Variants in SEC24A observed in about 807,000 individuals in gnomAD.
The protein encoded by SEC24A is protein transport protein Sec24A.
SEC24A carries 93 observed loss-of-function variants against 129.4 expected under a neutral mutation model. The observed-to-expected ratio is 0.72, with a 90% confidence interval of 0.61 to 0.85. SEC24A has a LOEUF of 0.85. Among genes scored for constraint, SEC24A ranks in the 40% least tolerant of loss-of-function variants. The probability of loss-of-function intolerance (pLI) is 0.00; values close to 1 mark genes in which losing one functional copy is unlikely to be tolerated. For synonymous variants in SEC24A, 460 were observed against 467.3 expected (o/e 0.98, Z 0.20); for missense variants, 1,264 against 1,307.4 (o/e 0.97, Z 0.51).
At chr5:134,697,718 A>T (rs1255287183) in intron 14 of SEC24A, among the ~76,000 whole-genome samples, 181 bp from the exon 15 acceptor site, 1 of 152,140 alleles carries the variant, frequency 6.6e-6, no homozygotes, top group African/African-American at 2.4e-5. Flanking sequence ...TGGTATCACT[A>T]CTGCACTCCA....
Position 134,693,733 on chromosome 5 carries a change from C to A in SEC24A, c.1786C>A (p.Gln596Lys). The A allele has an allele frequency of 1.2e-6, 2 of 1,613,368 alleles. No individual in the cohort carries two copies. Among genetic ancestry groups the A allele is most frequent in the Non-Finnish European group, 1.7e-6 (2 of 1,179,784 alleles). ...VNLNESKELVQDLLKTLPQMF... is the reference protein window; with the variant it reads ...VNLNESKELVKDLLKTLPQMF... ...TCTTGCTTTGTTTTACAAGCTCGTGCAAGATTTACTGAAAACTTTGCCACA... is the reference window on the plus strand; with the variant it reads ...TCTTGCTTTGTTTTACAAGCTCGTGAAAGATTTACTGAAAACTTTGCCACA... The change falls in exon 13 of 23, where the codon CAA (glutamine) becomes AAA (lysine). Residue 596 changes from glutamine (Q) to lysine (K), a missense_variant. Physicochemically the swap from Gln to Lys is moderately conservative, Grantham distance 53. Transcript: ENST00000398844.
At position 134,675,141 on chromosome 5, in the gene SEC24A, A is replaced by G. The variant is rs756906555; in HGVS notation, c.1075A>G (p.Met359Val). Residue 359 changes from methionine (M) to valine (V), a missense_variant, in exon 6 of 23, where the codon ATG (methionine) becomes GTG (valine). Coordinates refer to ENST00000398844, the MANE Select transcript of SEC24A (RefSeq NM_021982.3). ...RVVNLLQERN[M>V]LPSTPLKPPV... ...TGTCAATCTTCTTCAAGAAAGAAAC[A>G]TGCTTCCGTCAACACCTTTGAAGCC... The G allele has an allele frequency of 8.7e-6, 14 of 1,613,724 alleles. 1 individual carries two copies. The Admixed American group carries it at 1.3e-4, about 15-fold the overall frequency.
chr5:134,683,806 T>C (rs1312661598), intron 9 of SEC24A, among the ~76,000 whole-genome samples: 1 of 152,250 alleles, frequency 6.6e-6, no homozygotes, highest in African/African-American at 2.4e-5. Context: ...CAAACAGTAT[T>C]CTGAAGCAAG....
rs1433283460 is a variant in SEC24A at position 134,707,015 on chromosome 5, T to C, written c.2551+1578T>C. Among the ~76,000 whole-genome samples, 4 of 151,802 alleles carry C rather than the reference T, an allele frequency of 2.6e-5. No individual in the cohort carries two copies. In the Admixed American group the frequency reaches 2.6e-4, roughly 10 times the overall value. ...TCAACCAGCTAACTTTAAAAAAAAT[T>C]TTTTTAGAGACAGAGTCTCACCATG... is the stretch of plus-strand genomic sequence containing the variant. On this transcript the variant is annotated intron_variant, in intron 17 of 22. Transcript: ENST00000398844.
chr5:134,649,256 T>C, intron 1 of SEC24A, 83 bp downstream of exon 1: 1 of 1,016,606 alleles, frequency 9.8e-7, no homozygotes. Context: ...GCGACATAGA[T>C]AGAGAGAGTG....
At chr5:134,656,829 C>T (rs957440622) in intron 1 of SEC24A, among the ~76,000 whole-genome samples, 9 of 150,170 alleles carry the variant, frequency 6.0e-5, no homozygotes, top group African/African-American at 1.2e-4. Context: ...TCGCCCTGGC[C>T]GGAATGCAAT....
chr5:134,684,279 G>A (rs1460661136), intron 9 of SEC24A, among the ~76,000 whole-genome samples: 3 of 150,040 alleles, frequency 2.0e-5, no homozygotes, highest in East Asian at 3.9e-4. Flanking sequence ...CCCCAGCCTG[G>A]GCAAAAGAGC....
chr5:134,669,048 G>A (rs1246844814), intron 3 of SEC24A, among the ~76,000 whole-genome samples: 1 of 151,526 alleles, frequency 6.6e-6, no homozygotes. Flanking sequence ...CTCCAGCCTG[G>A]GTGACAGAGT....
intron 18 of SEC24A, among the ~76,000 whole-genome samples, chr5:134,710,457 G>A (rs954075435): frequency 3.3e-5 from 5 of 151,788 alleles, no homozygotes; most frequent in Non-Finnish European, 5.9e-5. Flanking sequence ...GGTTTCTAAC[G>A]CCCAACCTCA....
chr5:134,668,625 C>T (rs1172570372), intron 3 of SEC24A, among the ~76,000 whole-genome samples: 2 of 152,170 alleles, frequency 1.3e-5, no homozygotes, highest in Non-Finnish European at 2.9e-5. Context: ...ACTCAGGAGG[C>T]TGAGGCAGGA....
At position 134,725,997 on chromosome 5, in the gene SEC24A, C is replaced by T. The variant is rs143625522; in HGVS notation, c.*903C>T. 3.5e-4 allele frequency: 54 copies of T among 152,388 alleles called. No individual in the cohort carries two copies. In the East Asian group the frequency reaches 9.4e-3, roughly 27 times the overall value. 9.4% of individuals were successfully genotyped at this position (152,388 alleles called of 1,614,324 possible). On this transcript the variant is annotated 3_prime_UTR_variant, in exon 23 of 23. Coordinates refer to ENST00000398844, the MANE Select transcript of SEC24A (RefSeq NM_021982.3). ...GAAGAAATGAAAGGTTTCTAAAGTG[C>T]TATCCAAATACATCAGTAACATTTT...
intron 16 of SEC24A, 65 bp from the exon 17 acceptor site, chr5:134,705,262 A>C (rs549539961): frequency 7.9e-7 from 1 of 1,267,320 alleles, no homozygotes; most frequent in Admixed American, 1.7e-5. Flanking sequence ...TTTCCAAGTG[A>C]CTTTAACATA....
At chr5:134,724,336 C>T (rs1752706284) in intron 22 of SEC24A, among the ~76,000 whole-genome samples, 1 of 152,164 alleles carries the variant, frequency 6.6e-6, no homozygotes, top group South Asian at 2.1e-4. Flanking sequence ...TGCCTGTAAT[C>T]CCAGCACTTT....
In SEC24A at chr5:134,708,108, G is replaced by A. The variant is rs553289310; in HGVS notation, c.2552-605G>A. Among the ~76,000 whole-genome samples the A allele has an allele frequency of 2.6e-5, 4 of 152,150 alleles. No individual in the cohort carries two copies. The East Asian group carries it at 7.7e-4, about 29-fold the overall frequency. On this transcript the variant is annotated intron_variant, in intron 17 of 22. Coordinates refer to ENST00000398844, the MANE Select transcript of SEC24A (RefSeq NM_021982.3). ...CACACCACCGCACTCCAGCCTGGGCGACAGAGCGAAACTCTGTCTCTAAAT... is the reference window on the plus strand; with the variant it reads ...CACACCACCGCACTCCAGCCTGGGCAACAGAGCGAAACTCTGTCTCTAAAT...
chr5:134,698,013 G>C lies in SEC24A; in HGVS notation c.2222G>C (p.Arg741Pro). 3 of 1,613,828 alleles carry C rather than the reference G, an allele frequency of 1.9e-6. No homozygotes were observed. Among genetic ancestry groups the C allele is most frequent in the Non-Finnish European group, 2.5e-6 (3 of 1,179,924 alleles). Residue 741 changes from arginine (R) to proline (P), a missense_variant, in exon 15 of 23, where the codon CGG (arginine) becomes CCG (proline). Arg to Pro is a moderately radical substitution (Grantham distance 103, BLOSUM62 -2). Coordinates refer to ENST00000398844, the MANE Select transcript of SEC24A (RefSeq NM_021982.3). ...AAGGAACTACAGAGATACCTTACTC[G>C]GAAGATTGGCTTTGAGGCAGTCATG... ...LQKELQRYLT[R>P]KIGFEAVMRI... is the part of the protein sequence containing the mutation.
At position 134,703,772 on chromosome 5, in the gene SEC24A, T is replaced by C. The variant is rs1180507029; in HGVS notation, c.2280T>C (p.His760=). The part of the protein sequence containing the change: ...RIRCTKGLSI[H]TFHGNFFVRS... ...TTTCTCTTCTAGGTCTTTCCATTCA[T>C]ACTTTCCATGGAAACTTCTTTGTTA... is the stretch of plus-strand genomic sequence containing the variant. The change falls in exon 16 of 23, where the codon CAT becomes CAC. Residue 760 remains histidine (H), a synonymous_variant. Transcript: ENST00000398844. 1.2e-6 allele frequency: 2 copies of C among 1,610,286 alleles called. No homozygotes were observed. The highest frequency in any genetic ancestry group is 3.3e-5 in the Admixed American group (2 of 59,912).
intron 9 of SEC24A, 64 bp downstream of exon 9, chr5:134,682,546 A>G (rs1751312576): frequency 1.3e-6 from 1 of 797,670 alleles, no homozygotes; most frequent in Non-Finnish European, 2.1e-6. Context: ...GTAAAACAAT[A>G]CAGCATCCTG....
rs1752789526 is a variant in SEC24A at position 134,727,742 on chromosome 5, C to T, written c.*2648C>T. 6.6e-6 allele frequency: 1 copy of T among 152,074 alleles called. No homozygotes were observed. The highest frequency in any genetic ancestry group is 2.1e-4 in the South Asian group (1 of 4,820). The allele number at this position is 152,074 out of a possible 1,614,324, so 9.4% of individuals were successfully genotyped here. A position where few individuals can be genotyped will look rare whatever the true frequency, so the allele number is the denominator to read the frequency against. The stretch of plus-strand genomic sequence containing the variant: ...ATGTGCTGTGTTAAATCTTGCTTCT[C>T]TGAAAAGTTGGAGACAAGATTTGTC... On this transcript the variant is annotated 3_prime_UTR_variant, in exon 23 of 23. Transcript: ENST00000398844.
chr5:134,718,699 C>T (rs183814458), intron 20 of SEC24A, among the ~76,000 whole-genome samples: 39 of 152,106 alleles, frequency 2.6e-4, no homozygotes, highest in Admixed American at 1.0e-3. Flanking sequence ...GGGCCGGGCA[C>T]GGTGGCTCAT....
Sources: gnomAD v4.1 joint callset for allele counts (sites outside exome capture counted in the v4.1 genomes callset) on GRCh38, gnomAD v4.1.1 for gene constraint, MANE v1.5 for transcripts, NCBI Gene and HGNC (gene_info 2026-07-23, HGNC 2026-07-21) for gene names.